PTPRM: variants seen among roughly 807,000 people sequenced by gnomAD.
PTPRM encodes the protein receptor-type tyrosine-protein phosphatase mu.
A neutral mutation model predicts 186.7 loss-of-function variants in PTPRM; 47 were observed. The ratio of observed to expected loss-of-function variants is 0.25; its 90% confidence interval spans 0.20 to 0.32. The LOEUF is 0.32. Among genes scored for constraint, PTPRM ranks in the 10% least tolerant of loss-of-function variants. The pLI is 1.00. For synonymous variants in PTPRM, 668 were observed against 674.9 expected (o/e 0.99, Z 0.16); for missense variants, 1,494 against 1,865.0 (o/e 0.80, Z 3.66).
At chr18:7,879,468 G>A (rs564580336) in intron 2 of PTPRM, among the ~76,000 whole-genome samples, 74 of 152,270 alleles carry the variant, frequency 4.9e-4, no homozygotes, top group African/African-American at 1.6e-3. Context: ...GTCCAAGTTT[G>A]TCTCGTTTGT....
In PTPRM at chr18:7,871,660, C is replaced by T. The variant is rs115671830; in HGVS notation, c.197-16446C>T. On this transcript the variant is annotated intron_variant, in intron 2 of 32. Transcript: ENST00000580170. ...ATGCCTCATCCTGGAGGACTCAGCTCAGAGTTCCCTTTCTCTAAAGAGCTG... is the reference window on the plus strand; with the variant it reads ...ATGCCTCATCCTGGAGGACTCAGCTTAGAGTTCCCTTTCTCTAAAGAGCTG... Among the ~76,000 whole-genome samples the T allele has an allele frequency of 7.6e-3, 1,165 of 152,304 alleles. 15 individuals are homozygous for T. Among genetic ancestry groups the T allele is most frequent in the African/African-American group, 0.027 (1,103 of 41,562 alleles).
intron 1 of PTPRM, among the ~76,000 whole-genome samples, chr18:7,669,823 A>C: frequency 6.6e-6 from 1 of 152,148 alleles, no homozygotes; most frequent in South Asian, 2.1e-4. Flanking sequence ...CCTGGGTTCA[A>C]GAGATTCTCC....
intron 7 of PTPRM, among the ~76,000 whole-genome samples, chr18:8,021,353 CACACACAT>C (rs766445317): frequency 9.7e-5 from 13 of 134,572 alleles, no homozygotes; most frequent in African/African-American, 1.2e-4. Flanking sequence ...CACACACACA[CACACACAT>C]ATAAATTTTA....
At chr18:7,850,569 G>GAA (rs1172671635) in intron 2 of PTPRM, among the ~76,000 whole-genome samples, 3 of 152,188 alleles carry the variant, frequency 2.0e-5, no homozygotes, top group Non-Finnish European at 4.4e-5. Context: ...TTTTGCTAAG[G>GAA]AGGAGGAGCT....
At chr18:8,263,603 C>T (rs1211896314) in intron 19 of PTPRM, among the ~76,000 whole-genome samples, 1 of 152,142 alleles carries the variant, frequency 6.6e-6, no homozygotes, top group Admixed American at 6.5e-5. Flanking sequence ...GAGCCCTTAG[C>T]TAGCCTCAGG....
intron 7 of PTPRM, among the ~76,000 whole-genome samples, chr18:8,022,006 G>A (rs2085265879): frequency 6.6e-6 from 1 of 152,122 alleles, no homozygotes; most frequent in Non-Finnish European, 1.5e-5. Flanking sequence ...TTTGTATTTT[G>A]TGGTGTTATG....
At chr18:7,807,481 AC>A (rs762787990) in intron 2 of PTPRM, among the ~76,000 whole-genome samples, 1 of 152,054 alleles carries the variant, frequency 6.6e-6, no homozygotes, top group Non-Finnish European at 1.5e-5. Context: ...TATTTATCCA[AC>A]CCCCACCACC....
At chr18:7,819,506 C>T (rs1319368385) in intron 2 of PTPRM, among the ~76,000 whole-genome samples, 1 of 152,054 alleles carries the variant, frequency 6.6e-6, no homozygotes, top group Non-Finnish European at 1.5e-5. Context: ...CTAAGTGGCT[C>T]AACTCTAGGG....
chr18:8,100,285 G>A (rs1463218281), intron 11 of PTPRM, among the ~76,000 whole-genome samples: 1 of 152,088 alleles, frequency 6.6e-6, no homozygotes, highest in Non-Finnish European at 1.5e-5. Context: ...GGGATTATAG[G>A]CGCCTACCAC....
intron 7 of PTPRM, among the ~76,000 whole-genome samples, chr18:7,968,469 A>C (rs1421635491): frequency 6.1e-5 from 5 of 82,120 alleles, no homozygotes; most frequent in African/African-American, 2.8e-4. Context: ...TTAACTTTAA[A>C]TATAAATGGA....
At chr18:8,114,127 T>G (rs1299821535) in intron 12 of PTPRM, among the ~76,000 whole-genome samples, 1 of 152,186 alleles carries the variant, frequency 6.6e-6, no homozygotes, top group Non-Finnish European at 1.5e-5. Flanking sequence ...ATCTGTCTTT[T>G]CAGCATAGTC....
At chr18:7,611,830 T>C (rs1419082682) in intron 1 of PTPRM, among the ~76,000 whole-genome samples, 3 of 152,194 alleles carry the variant, frequency 2.0e-5, no homozygotes, top group Non-Finnish European at 4.4e-5. Context: ...CTGCCATGAT[T>C]GTGAGACTTC....
At chr18:7,842,432 C>G (rs2046369725) in intron 2 of PTPRM, among the ~76,000 whole-genome samples, 1 of 152,132 alleles carries the variant, frequency 6.6e-6, no homozygotes. Context: ...TAATTTGTGT[C>G]CACTTGGCCA....
At chr18:7,665,389 A>C (rs1267223854) in intron 1 of PTPRM, among the ~76,000 whole-genome samples, 2 of 152,108 alleles carry the variant, frequency 1.3e-5, no homozygotes, top group South Asian at 2.1e-4. Flanking sequence ...GTGTATTTTG[A>C]GATATTCAAA....
At chr18:8,045,071 G>T (rs2086951380) in intron 7 of PTPRM, among the ~76,000 whole-genome samples, 1 of 152,088 alleles carries the variant, frequency 6.6e-6, no homozygotes, top group Non-Finnish European at 1.5e-5. Context: ...TGTAAGCAGG[G>T]CATGGTGGCT....
intron 1 of PTPRM, among the ~76,000 whole-genome samples, chr18:7,700,975 C>CAAAAAAAAAA (rs1262649146): frequency 3.3e-5 from 2 of 60,920 alleles, no homozygotes; most frequent in Non-Finnish European, 6.2e-5. Flanking sequence ...GAGCCTATCT[C>CAAAAAAAAAA]AAAAAAAAAA....
At chr18:7,878,219 AT>A (rs2048337071) in intron 2 of PTPRM, among the ~76,000 whole-genome samples, 1 of 152,140 alleles carries the variant, frequency 6.6e-6, no homozygotes, top group Non-Finnish European at 1.5e-5. Context: ...ATTTATTGGT[AT>A]TTTGATGCTT....
At chr18:7,667,576 C>T (rs118153314) in intron 1 of PTPRM, among the ~76,000 whole-genome samples, 1,787 of 152,192 alleles carry the variant, frequency 0.012, 17 homozygotes, top group Non-Finnish European at 0.018. Context: ...GATCAGTGTG[C>T]GTAATAAGCT....
chr18:8,349,225 G>C (rs563943846), intron 23 of PTPRM, among the ~76,000 whole-genome samples: 1 of 152,166 alleles, frequency 6.6e-6, no homozygotes, highest in Admixed American at 6.5e-5. Flanking sequence ...AGAGAGGCAA[G>C]GTTGCCCTTT....
Sources: allele counts gnomAD v4.1 joint callset (sites outside exome capture counted in the v4.1 genomes callset), GRCh38; gene constraint gnomAD v4.1.1; transcripts MANE v1.5; gene names NCBI Gene and HGNC (gene_info 2026-07-23, HGNC 2026-07-21).